Variants in UGP2 observed in about 807,000 individuals in gnomAD.
The protein encoded by UGP2 is UTP--glucose-1-phosphate uridylyltransferase.
In UGP2, 40 loss-of-function variants were observed where a neutral mutation model predicts 49.0. The observed-to-expected ratio is 0.82, with a 90% confidence interval of 0.63 to 1.06. The LOEUF (loss-of-function observed/expected upper bound fraction) is 1.06. Ranked by LOEUF, UGP2 falls within the 50% of genes least tolerant of loss-of-function variation. UGP2 has a pLI of 0.00. For synonymous variants in UGP2, 225 were observed against 213.0 expected (o/e 1.06, Z -0.49); for missense variants, 460 against 603.5 (o/e 0.76, Z 2.49).
At chr2:63,844,751 A>G (rs1419733640) in intron 1 of UGP2, among the ~76,000 whole-genome samples, 1 of 152,132 alleles carries the variant, frequency 6.6e-6, no homozygotes, top group South Asian at 2.1e-4. Flanking sequence ...TTAAAGAGAC[A>G]GGCTTTCCCT....
chr2:63,857,673 G>A (rs1179846646), intron 2 of UGP2, 156 bp from the exon 3 acceptor site: 6 of 779,242 alleles, frequency 7.7e-6, no homozygotes, highest in Non-Finnish European at 1.3e-5. Flanking sequence ...GCCTGTATTA[G>A]CTTTTAGGAT....
At chr2:63,881,692 A>G (rs1217280877) in intron 3 of UGP2, among the ~76,000 whole-genome samples, 2 of 152,206 alleles carry the variant, frequency 1.3e-5, no homozygotes, top group Non-Finnish European at 2.9e-5. Context: ...GTAAGGGAGA[A>G]GTTATAGATT....
intron 5 of UGP2, among the ~76,000 whole-genome samples, chr2:63,884,373 T>A (rs1671517034): frequency 6.6e-6 from 1 of 152,224 alleles, no homozygotes; most frequent in Admixed American, 6.5e-5. Context: ...GCATATTTGG[T>A]CTCCAGGTGG....
intron 2 of UGP2, 166 bp from the exon 3 acceptor site, chr2:63,857,663 G>T (rs893411950): frequency 1.4e-6 from 1 of 727,344 alleles, no homozygotes. Flanking sequence ...ACTACGCCCA[G>T]CCTGTATTAG....
chr2:63,889,992 C>T (rs1671975880), intron 8 of UGP2, 89 bp from the exon 9 acceptor site: 2 of 1,007,872 alleles, frequency 2.0e-6, no homozygotes, highest in African/African-American at 3.3e-5. Context: ...AAGGTTTCTA[C>T]AGTTCAGTTA....
rs776044701 is a variant in UGP2, at chr2:63,890,218, C to G, written c.1419+33C>G. 1.5e-5 allele frequency: 22 copies of G among 1,505,758 alleles called. No individual in the cohort carries two copies. The Admixed American group carries it at 4.1e-4, about 28-fold the overall frequency. The allele number at this position is 1,505,758 out of a possible 1,614,324, so 93.3% of individuals were successfully genotyped here. A position where few individuals can be genotyped will look rare whatever the true frequency, so the allele number is the denominator to read the frequency against. On this transcript the variant is annotated intron_variant, in intron 9 of 9. Coordinates refer to ENST00000337130, the MANE Select transcript of UGP2 (RefSeq NM_006759.4). ...GTTACAATGAAAATTATATTTCTTA[C>G]AGCTTACAATATAGGTCTCATTTTC...
chr2:63,875,856 AAG>A, intron 3 of UGP2, among the ~76,000 whole-genome samples: 1 of 152,202 alleles, frequency 6.6e-6, no homozygotes, highest in East Asian at 1.9e-4. Context: ...TGTTTTGGGA[AAG>A]AGAGAAACAG....
chr2:63,882,111 TGA>T (rs1211495534), intron 3 of UGP2, among the ~76,000 whole-genome samples: 1 of 152,218 alleles, frequency 6.6e-6, no homozygotes, highest in Non-Finnish European at 1.5e-5. Context: ...TCTAAATAAA[TGA>T]CTTGATCATT....
At chr2:63,869,259 C>T (rs1026553501) in intron 3 of UGP2, among the ~76,000 whole-genome samples, 1 of 152,156 alleles carries the variant, frequency 6.6e-6, no homozygotes, top group African/African-American at 2.4e-5. Context: ...TCTAAGTTGA[C>T]ATTTGAGTAG....
At chr2:63,842,489 A>G in intron 1 of UGP2, 1 of 1,537,132 alleles carries the variant, frequency 6.5e-7, no homozygotes, top group Non-Finnish European at 8.7e-7. Flanking sequence ...ATAAAACAGG[A>G]TTTTTGGCTG....
chr2:63,874,436 T>G (rs1670771149), intron 3 of UGP2, among the ~76,000 whole-genome samples: 1 of 152,146 alleles, frequency 6.6e-6, no homozygotes, highest in Non-Finnish European at 1.5e-5. Flanking sequence ...GTATGTTATA[T>G]TGCCATAGAG....
rs746681129 is a variant in UGP2, at chr2:63,890,095, A to G, written c.1329A>G (p.Leu443=). ...TTTTCTGTAAGGTTCAAGATTATCTAAGAAGATTTGAAAGTATACCAGATA... is the reference window on the plus strand; with the variant it reads ...TTTTCTGTAAGGTTCAAGATTATCTGAGAAGATTTGAAAGTATACCAGATA... The part of the protein sequence containing the change: ...GSSFTKVQDY[L]RRFESIPDML... Residue 443 remains leucine (L), a synonymous_variant, in exon 9 of 10, where the codon CTA becomes CTG. Transcript: ENST00000337130. The G allele has an allele frequency of 1.5e-5, 24 of 1,609,266 alleles. No homozygotes were observed. Among genetic ancestry groups the G allele is most frequent in the Non-Finnish European group, 2.0e-5 (23 of 1,178,262 alleles).
chr2:63,870,074 C>T (rs1321256520), intron 3 of UGP2, among the ~76,000 whole-genome samples: 2 of 152,024 alleles, frequency 1.3e-5, no homozygotes, highest in African/African-American at 2.4e-5. Flanking sequence ...AGGCGCCGGC[C>T]ACCATGCCTG....
chr2:63,866,199 A>G (rs550681326), intron 3 of UGP2, among the ~76,000 whole-genome samples: 48 of 152,336 alleles, frequency 3.2e-4, no homozygotes, highest in African/African-American at 1.1e-3. Context: ...AAAATCACAG[A>G]ATGTATATTA....
At chr2:63,882,407 A>G in intron 3 of UGP2, 59 bp from the exon 4 acceptor site, 1 of 1,336,964 alleles carries the variant, frequency 7.5e-7, no homozygotes, top group South Asian at 2.1e-5. Flanking sequence ...TGGGATTGAT[A>G]TGCTTTAACG....
chr2:63,881,672 T>C (rs1156386090), intron 3 of UGP2, among the ~76,000 whole-genome samples: 1 of 152,254 alleles, frequency 6.6e-6, no homozygotes, highest in Non-Finnish European at 1.5e-5. Context: ...TGTGTCACTG[T>C]TCCTTTCCTG....
chr2:63,873,042 G>C (rs962159102), intron 3 of UGP2, among the ~76,000 whole-genome samples: 1 of 152,088 alleles, frequency 6.6e-6, no homozygotes, highest in African/African-American at 2.4e-5. Context: ...GAATGATGCA[G>C]ACTTCTGCAA....
At chr2:63,855,354 A>G in intron 1 of UGP2, 1 of 422,582 alleles carries the variant, frequency 2.4e-6, no homozygotes. Context: ...TTTTAAAATA[A>G]GATTGAATCA....
rs1056459884 is a variant in UGP2, at chr2:63,851,851, A to G, written c.20-4455A>G. Among the ~76,000 whole-genome samples, 5 of 152,156 alleles carry G rather than the reference A, an allele frequency of 3.3e-5. No homozygotes were observed. The East Asian group carries it at 5.8e-4, about 18-fold the overall frequency. On this transcript the variant is annotated intron_variant, in intron 1 of 9. Coordinates refer to ENST00000337130, the MANE Select transcript of UGP2 (RefSeq NM_006759.4). ...TATCAGACCTTCCTTCTGCTGTGCT[A>G]TCTTTGACATATCTGCCTCATTCTT...
Sources: gnomAD v4.1 joint callset for allele counts (sites outside exome capture counted in the v4.1 genomes callset) on GRCh38, gnomAD v4.1.1 for gene constraint, MANE v1.5 for transcripts, NCBI Gene and HGNC (gene_info 2026-07-23, HGNC 2026-07-21) for gene names.